MROH1: variants seen among roughly 807,000 people sequenced by gnomAD.
MROH1 encodes maestro heat-like repeat-containing protein family member 1.
In MROH1, 117 loss-of-function variants were observed where a neutral mutation model predicts 116.5. That is an observed-to-expected ratio of 1.00 (90% confidence interval 0.86 to 1.17). The LOEUF (loss-of-function observed/expected upper bound fraction) is 1.17. Among genes scored for constraint, MROH1 ranks in the 50% most tolerant of loss-of-function variants. The pLI, the probability that MROH1 is intolerant of heterozygous loss-of-function variation, is 0.00. For synonymous variants in MROH1, 921 were observed against 583.9 expected (o/e 1.58, Z -8.32); for missense variants, 1,873 against 1,338.5 (o/e 1.40, Z -6.23).
At chr8:144,222,245 G>T (rs1474716433) in intron 13 of MROH1, among the ~76,000 whole-genome samples, 2 of 152,164 alleles carry the variant, frequency 1.3e-5, no homozygotes, top group African/African-American at 4.8e-5. Context: ...TGGGGGCAGG[G>T]TGGCTTTGGG....
Position 144,258,922 on chromosome 8 carries a change from G to A in MROH1, c.3929+8G>A. 1 of 736,070 alleles carries A rather than the reference G, an allele frequency of 1.4e-6. No homozygotes were observed. The highest frequency in any genetic ancestry group is 2.5e-6 in the Non-Finnish European group (1 of 396,424). 45.6% of individuals were successfully genotyped at this position (736,070 alleles called of 1,614,324 possible). On this transcript the variant is annotated splice_region_variant and intron_variant, in intron 36 of 43. Transcript: ENST00000326134. ...GGCCACCAGGTTGGCCAGGTGAGCG[G>A]GCCCAGCCCACTGCAGCTCCAGCAC...
chr8:144,231,093 C>A (rs1248976369), intron 14 of MROH1, among the ~76,000 whole-genome samples: 1 of 145,306 alleles, frequency 6.9e-6, no homozygotes, highest in East Asian at 2.0e-4. Context: ...TGAGTGGACA[C>A]AGCACATGTT....
intron 12 of MROH1, among the ~76,000 whole-genome samples, chr8:144,207,047 G>T (rs1308090116): frequency 2.6e-5 from 4 of 150,980 alleles, no homozygotes; most frequent in African/African-American, 9.7e-5. Context: ...AAAAGAGAGA[G>T]AAAAGAAATT....
intron 7 of MROH1, among the ~76,000 whole-genome samples, chr8:144,188,910 G>T (rs1588023131): frequency 6.6e-6 from 1 of 152,256 alleles, no homozygotes; most frequent in Non-Finnish European, 1.5e-5. Context: ...GGGAAGAACT[G>T]CTAGGAAATC....
chr8:144,259,910 G>C lies in MROH1; in HGVS notation c.4045-1G>C. The C allele has an allele frequency of 1.4e-6, 1 of 735,492 alleles. No homozygotes were observed. The highest frequency in any genetic ancestry group is 2.5e-6 in the Non-Finnish European group (1 of 395,794). 45.6% of individuals were successfully genotyped at this position (735,492 alleles called of 1,614,324 possible). A position where few individuals can be genotyped will look rare whatever the true frequency, so the allele number is the denominator to read the frequency against. ...GGAAGTCACAGCACCTCTGCCTGCA[G>C]CTGCTGAACAGCAACGTGGCCAACG... is the stretch of plus-strand genomic sequence containing the variant. On this transcript the variant is annotated splice_acceptor_variant, in intron 37 of 43. Transcript: ENST00000326134. LOFTEE classifies it high-confidence loss of function.
rs1840672650 is a variant in MROH1, at chr8:144,239,877, G to T, written c.1774+122G>T. 8 of 677,660 alleles carry T rather than the reference G, an allele frequency of 1.2e-5. No individual in the cohort carries two copies. In the Admixed American group the frequency reaches 1.3e-4, roughly 11 times the overall value. The allele number at this position is 677,660 out of a possible 1,614,324, so 42.0% of individuals were successfully genotyped here. On this transcript the variant is annotated intron_variant, in intron 18 of 43. Transcript: ENST00000326134. ...ACTAGGGTGGCCAATGGGGACTAGG[G>T]TTGTATAATTGGAAAATACAGTCTC...
chr8:144,222,240 G>T (rs979715031), intron 13 of MROH1, among the ~76,000 whole-genome samples: 1 of 152,186 alleles, frequency 6.6e-6, no homozygotes, highest in African/African-American at 2.4e-5. Flanking sequence ...GGGGTTGGGG[G>T]CAGGGTGGCT....
chr8:144,234,051 C>T (rs1038523999), intron 14 of MROH1, among the ~76,000 whole-genome samples: 2 of 152,164 alleles, frequency 1.3e-5, no homozygotes, highest in Non-Finnish European at 2.9e-5. Context: ...GCTCTGTCGC[C>T]CAGGCTGGAG....
chr8:144,207,742 T>C (rs146861203), intron 12 of MROH1, among the ~76,000 whole-genome samples: 27 of 152,294 alleles, frequency 1.8e-4, no homozygotes, highest in African/African-American at 6.3e-4. Context: ...ATTGGATACA[T>C]AGAGACATAA....
At chr8:144,157,989 CTTTTT>C (rs1157662078) in intron 1 of MROH1, among the ~76,000 whole-genome samples, 1 of 88,868 alleles carries the variant, frequency 1.1e-5, no homozygotes, top group Non-Finnish European at 2.3e-5. Flanking sequence ...CTATTTCTTT[CTTTTT>C]TTTTTTTTTT....
At position 144,180,968 on chromosome 8, in the gene MROH1, A is replaced by G. The variant is rs895712757; in HGVS notation, c.562+445A>G. 1.4e-4 allele frequency among the ~76,000 whole-genome samples: 21 copies of G among 152,054 alleles called. No individual in the cohort carries two copies. The highest frequency in any genetic ancestry group is 2.8e-4 in the Non-Finnish European group (19 of 68,000). On this transcript the variant is annotated intron_variant, in intron 7 of 43. Coordinates refer to ENST00000326134, the MANE Select transcript of MROH1 (RefSeq NM_032450.3). The surrounding 1 kb of genome is among the most constrained non-coding windows in gnomAD (Gnocchi z 7.4). Reference sequence around the variant, plus strand: ...GCCCACAGCCCTCTGTGTGCCTGGCAGGGGACTGCGGGCATGTCATGGGCC... The same window carrying G: ...GCCCACAGCCCTCTGTGTGCCTGGCGGGGGACTGCGGGCATGTCATGGGCC...
intron 29 of MROH1, among the ~76,000 whole-genome samples, chr8:144,246,488 A>G (rs1015712593): frequency 0.014 from 2,164 of 152,138 alleles, 40 homozygotes; most frequent in African/African-American, 0.048. Flanking sequence ...CCCACCTCAT[A>G]CTTTCATGGC....
chr8:144,183,870 A>T (rs1438179277), intron 7 of MROH1, among the ~76,000 whole-genome samples: 1 of 151,738 alleles, frequency 6.6e-6, no homozygotes, highest in Admixed American at 6.6e-5. Context: ...GATGGTCTGG[A>T]TCTCCTGACC....
At chr8:144,192,244 T>C in intron 9 of MROH1, 65 bp from the exon 10 acceptor site, 15 of 1,397,324 alleles carry the variant, frequency 1.1e-5, no homozygotes, top group Admixed American at 2.2e-5. Context: ...GAGGCTCTGA[T>C]TGACCTTAGT....
chr8:144,216,135 C>T (rs1835203447), intron 12 of MROH1, among the ~76,000 whole-genome samples: 2 of 150,932 alleles, frequency 1.3e-5, no homozygotes, highest in Non-Finnish European at 2.9e-5. Flanking sequence ...GCCAAGATTG[C>T]ACCATTGCAC....
chr8:144,220,739 C>G (rs909631751), intron 13 of MROH1, 66 bp downstream of exon 13: 41 of 1,442,864 alleles, frequency 2.8e-5, no homozygotes, highest in Non-Finnish European at 3.4e-5. Flanking sequence ...TGTGGCCAGG[C>G]TGTGCTGTGA....
chr8:144,193,758 C>G (rs539063395), intron 10 of MROH1, among the ~76,000 whole-genome samples: 7 of 152,084 alleles, frequency 4.6e-5, no homozygotes, highest in African/African-American at 1.4e-4. Flanking sequence ...CAGGTGCCCA[C>G]CGCCACACCT....
intron 35 of MROH1, among the ~76,000 whole-genome samples, chr8:144,258,442 T>C (rs1844334580): frequency 6.6e-6 from 1 of 151,994 alleles, no homozygotes; most frequent in African/African-American, 2.4e-5. Context: ...GCACCTGTGG[T>C]GTGGGTGCCC....
intron 12 of MROH1, among the ~76,000 whole-genome samples, chr8:144,214,750 G>A (rs925792353): frequency 4.6e-5 from 7 of 152,078 alleles, no homozygotes; most frequent in Non-Finnish European, 8.8e-5. Flanking sequence ...TGGGTTGTTC[G>A]TTTATATTCT....
Sources: gnomAD v4.1 joint callset for allele counts (sites outside exome capture counted in the v4.1 genomes callset) on GRCh38, gnomAD v4.1.1 for gene constraint, Gnocchi (gnomAD v3.1) non-coding constraint, MANE v1.5 for transcripts, NCBI Gene and HGNC (gene_info 2026-07-23, HGNC 2026-07-21) for gene names.